Variants in CDK12 observed in about 807,000 individuals in gnomAD.
CDK12 encodes the protein cyclin dependent kinase 12.
Under a neutral mutation model 133.8 loss-of-function variants are expected in CDK12, and 17 were observed. The ratio of observed to expected loss-of-function variants is 0.13; its 90% CI spans 0.09 to 0.19. CDK12 has a LOEUF of 0.19. CDK12 is among the 10% of genes least tolerant of loss of function. The pLI, the probability that CDK12 is intolerant of heterozygous loss-of-function variation, is 1.00. For synonymous variants in CDK12, 694 were observed against 683.6 expected, an observed-to-expected ratio of 1.02 and a Z score of -0.24; for missense variants, 1,508 against 1,818.7, an observed-to-expected ratio of 0.83 and a Z score of 3.11.
At chr17:39,471,791 C>T (rs546048315) in intron 2 of CDK12, 28 bp downstream of exon 2, 1 of 1,551,506 alleles carries the variant, frequency 6.4e-7, no homozygotes, top group Non-Finnish European at 8.7e-7. Flanking sequence ...CTGGAAAAAA[C>T]CCCCTTGATC....
Position 39,462,039 on chromosome 17 carries a change from C to T in CDK12, c.-33C>T. On this transcript the variant is annotated 5_prime_UTR_variant, in exon 1 of 14. Coordinates refer to ENST00000447079, the MANE Select transcript of CDK12 (RefSeq NM_016507.4). ...GGTTGCTTTTTGGAGTGCTGGGGAA[C>T]TTTTTTCCCTTCTTCAGGTCAGGGG... 6.3e-7 allele frequency: 1 copy of T among 1,582,582 alleles called. No individual in the cohort carries two copies. Among genetic ancestry groups the T allele is most frequent in the South Asian group, 1.1e-5 (1 of 89,040 alleles).
At chr17:39,555,828 T>TACACACACACAC (rs60227908) in intron 2 of CDK12, among the ~76,000 whole-genome samples, 32 of 108,688 alleles carry the variant, frequency 2.9e-4, no homozygotes, top group African/African-American at 1.2e-3. Context: ...ACCTCATCTC[T>TACACACACACAC]ACACACACAC....
At chr17:39,510,114 C>CTTTTTTTTTT (rs762953806) in intron 7 of CDK12, among the ~76,000 whole-genome samples, 1 of 125,480 alleles carries the variant, frequency 8.0e-6, no homozygotes, top group Non-Finnish European at 1.6e-5. Context: ...CAATCTCTCT[C>CTTTTTTTTTT]TTTTTTTTTT....
At chr17:39,502,866 G>A (rs2052822146) in intron 6 of CDK12, among the ~76,000 whole-genome samples, 1 of 152,116 alleles carries the variant, frequency 6.6e-6, no homozygotes, top group Non-Finnish European at 1.5e-5. Context: ...AGTATTTCTA[G>A]AGCAAGAAGA....
At chr17:39,525,285 A>G (rs1344511222) in intron 12 of CDK12, among the ~76,000 whole-genome samples, 1 of 152,186 alleles carries the variant, frequency 6.6e-6, no homozygotes, top group African/African-American at 2.4e-5. Flanking sequence ...CAATTGCTAA[A>G]TGTTGTTCTA....
At chr17:39,477,419 G>T (rs1179860258) in intron 2 of CDK12, among the ~76,000 whole-genome samples, 2 of 150,986 alleles carry the variant, frequency 1.3e-5, no homozygotes, top group East Asian at 3.9e-4. Context: ...TGTATTTTTA[G>T]TAGAGACGGG....
intron 8 of CDK12, 67 bp from the exon 9 acceptor site, chr17:39,515,663 AT>A (rs1296599728): frequency 2.9e-6 from 3 of 1,027,782 alleles, no homozygotes; most frequent in South Asian, 1.4e-5. Context: ...TAATGTAAAA[AT>A]TTTTTGAGAC....
In CDK12 at chr17:39,462,732, A is replaced by G. The variant is rs757852555; in HGVS notation, c.661A>G (p.Arg221Gly). 1 of 1,614,186 alleles carries G rather than the reference A, an allele frequency of 6.2e-7. No homozygotes were observed. The highest frequency in any genetic ancestry group is 1.1e-5 in the South Asian group (1 of 91,086). The change falls in exon 1 of 14, where the codon AGG becomes GGG. Residue 221 changes from arginine (R) to glycine (G), a missense_variant. By Grantham distance (125) the Arg-to-Gly change is moderately radical. Transcript: ENST00000447079. Reference protein sequence around the residue: ...KTVDSPKRRSRSPHRKWSDSS... With the variant: ...KTVDSPKRRSGSPHRKWSDSS... ...AGTGGACAGCCCAAAACGGAGATCC[A>G]GGAGCCCCCACAGGAAGTGGTCTGA...
At chr17:39,489,195 C>T (rs1279450888) in intron 2 of CDK12, among the ~76,000 whole-genome samples, 3 of 151,802 alleles carry the variant, frequency 2.0e-5, no homozygotes, top group Non-Finnish European at 4.4e-5. Context: ...GTTCTCCTGC[C>T]TCAGCCTCCT....
At chr17:39,494,396 A>G (rs1483999749) in intron 4 of CDK12, 128 bp from the exon 5 acceptor site, 13 of 736,384 alleles carry the variant, frequency 1.8e-5, no homozygotes, top group African/African-American at 1.2e-4. Flanking sequence ...TTAAAGGTGT[A>G]TAAGTATCTC....
At chr17:39,551,879 C>G (rs1444573637) in intron 2 of CDK12, among the ~76,000 whole-genome samples, 1 of 152,166 alleles carries the variant, frequency 6.6e-6, no homozygotes, top group African/African-American at 2.4e-5. Context: ...CCATCCTCCT[C>G]CTTCCTCAGA....
chr17:39,503,972 G>T (rs751793763), intron 6 of CDK12, among the ~76,000 whole-genome samples: 8 of 152,174 alleles, frequency 5.3e-5, no homozygotes, highest in Non-Finnish European at 8.8e-5. Flanking sequence ...GAGGCAGAGA[G>T]ACCCTCTAAG....
rs1186968800 is a variant in CDK12 at position 39,462,004 on chromosome 17, G to A, written c.-68G>A. 1.3e-5 allele frequency: 17 copies of A among 1,293,774 alleles called. No individual in the cohort carries two copies. The highest frequency in any genetic ancestry group is 6.7e-5 in the Admixed American group (3 of 44,734). 80.1% of individuals were successfully genotyped at this position (1,293,774 alleles called of 1,614,324 possible). A position where few individuals can be genotyped will look rare whatever the true frequency, so the allele number is the denominator to read the frequency against. On this transcript the variant is annotated 5_prime_UTR_variant, in exon 1 of 14. Coordinates refer to ENST00000447079, the MANE Select transcript of CDK12 (RefSeq NM_016507.4). ...GTGGGCGTGGAGTTGGGGTTGGGGG[G>A]GTGGGTGGGGGTTGCTTTTTGGAGT...
chr17:39,534,417 T>C lies in CDK12; in HGVS notation c.*3101T>C, dbSNP rs1246399798. ...TTCCTGACACTGATTCCTTTCTCTC[T>C]CGTTTTTGACCCCCATTGGGTGTAT... On this transcript the variant is annotated 3_prime_UTR_variant, in exon 14 of 14. Transcript: ENST00000447079. 4.3e-6 allele frequency: 1 copy of C among 232,854 alleles called. No homozygotes were observed. The highest frequency in any genetic ancestry group is 5.6e-5 in the Admixed American group (1 of 17,776). The allele number at this position is 232,854 out of a possible 1,614,324, so 14.4% of individuals were successfully genotyped here. A position where few individuals can be genotyped will look rare whatever the true frequency, so the allele number is the denominator to read the frequency against.
intron 9 of CDK12, 46 bp from the exon 10 acceptor site, chr17:39,517,394 T>G: frequency 9.5e-7 from 1 of 1,057,480 alleles, no homozygotes; most frequent in Non-Finnish European, 1.5e-6. Flanking sequence ...GAATTCATGA[T>G]GTTGACTCAC....
chr17:39,496,995 A>G (rs1032875609), intron 5 of CDK12, among the ~76,000 whole-genome samples: 8 of 141,020 alleles, frequency 5.7e-5, no homozygotes, highest in African/African-American at 1.9e-4. Context: ...CAGTGATGCA[A>G]TCTTGGCTCA....
chr17:39,514,921 TTC>T (rs1371641007), intron 8 of CDK12, among the ~76,000 whole-genome samples: 6 of 152,196 alleles, frequency 3.9e-5, no homozygotes, highest in Non-Finnish European at 7.3e-5. Context: ...CTGTTCTGCA[TTC>T]TGTCACTATA....
chr17:39,466,167 G>A (rs569255725), intron 1 of CDK12, among the ~76,000 whole-genome samples: 2 of 151,854 alleles, frequency 1.3e-5, no homozygotes, highest in African/African-American at 2.4e-5. Flanking sequence ...AATTAGCCAG[G>A]CGTGGTGGCA....
At chr17:39,495,751 T>G (rs1427390498) in intron 5 of CDK12, among the ~76,000 whole-genome samples, 2 of 146,922 alleles carry the variant, frequency 1.4e-5, no homozygotes, top group African/African-American at 2.5e-5. Flanking sequence ...GCCAAGATCG[T>G]GCCACTGCAC....
Sources: gnomAD v4.1 joint callset for allele counts (sites outside exome capture counted in the v4.1 genomes callset) on GRCh38, gnomAD v4.1.1 for gene constraint, MANE v1.5 for transcripts, NCBI Gene and HGNC (gene_info 2026-07-23, HGNC 2026-07-21) for gene names.